The following TRHDE variants were observed in gnomAD, a reference collection of about 807,000 sequenced individuals.
TRHDE encodes the protein thyrotropin-releasing hormone-degrading ectoenzyme.
A neutral mutation model predicts 125.7 loss-of-function variants in TRHDE; 72 were observed. The ratio of observed to expected loss-of-function variants is 0.57; its 90% CI spans 0.47 to 0.70. The LOEUF (loss-of-function observed/expected upper bound fraction) is 0.70. Among genes scored for constraint, TRHDE ranks in the 30% least tolerant of loss-of-function variants. The pLI is 0.00. For missense variants in TRHDE, 1,110 were observed against 1,327.1 expected (o/e 0.84, Z 2.54); for synonymous variants, 509 against 509.1 (o/e 1.00, Z 0.00).
At chr12:72,165,500 G>A (rs527291828) in intron 2 of TRHDE, among the ~76,000 whole-genome samples, 1 of 152,150 alleles carries the variant, frequency 6.6e-6, no homozygotes, top group South Asian at 2.1e-4. Context: ...AGTGAGAAAT[G>A]CAGTTTTAGC....
chr12:72,541,430 G>A (rs1243090215), intron 6 of TRHDE, among the ~76,000 whole-genome samples: 1 of 151,368 alleles, frequency 6.6e-6, no homozygotes, highest in Non-Finnish European at 1.5e-5. Context: ...TATAATAATG[G>A]TTCTCAAGAT....
At chr12:72,319,097 T>G (rs959840123) in intron 2 of TRHDE, among the ~76,000 whole-genome samples, 1 of 152,138 alleles carries the variant, frequency 6.6e-6, no homozygotes, top group Non-Finnish European at 1.5e-5. Flanking sequence ...CAGTAAATAC[T>G]GAGAATACAG....
At chr12:72,453,360 C>A (rs948779689) in intron 3 of TRHDE, among the ~76,000 whole-genome samples, 3 of 152,080 alleles carry the variant, frequency 2.0e-5, no homozygotes, top group South Asian at 2.1e-4. Context: ...GGGTATCTGG[C>A]AAAATAAATT....
intron 3 of TRHDE, among the ~76,000 whole-genome samples, chr12:72,392,137 C>G (rs1303428321): frequency 6.6e-6 from 1 of 152,180 alleles, no homozygotes; most frequent in Admixed American, 6.5e-5. Flanking sequence ...GCACCCTGAT[C>G]TCACACTTTT....
intron 2 of TRHDE, among the ~76,000 whole-genome samples, chr12:72,322,916 A>G (rs1869164787): frequency 6.6e-6 from 1 of 152,118 alleles, no homozygotes; most frequent in African/African-American, 2.4e-5. Flanking sequence ...CTCTTGTCCT[A>G]GCTTTGTTAC....
intron 2 of TRHDE, among the ~76,000 whole-genome samples, chr12:72,138,861 G>A (rs1480029122): frequency 1.3e-5 from 2 of 152,184 alleles, no homozygotes; most frequent in East Asian, 1.9e-4. Flanking sequence ...CAATGGTCCC[G>A]AAACAGAGGG....
chr12:72,471,584 C>T (rs1474154108), intron 4 of TRHDE, among the ~76,000 whole-genome samples: 1 of 152,224 alleles, frequency 6.6e-6, no homozygotes, highest in African/African-American at 2.4e-5. Flanking sequence ...TTTCCGTTGT[C>T]ATTAACCAAT....
At chr12:72,550,257 C>A (rs1263418700) in intron 7 of TRHDE, among the ~76,000 whole-genome samples, 1 of 151,716 alleles carries the variant, frequency 6.6e-6, no homozygotes, top group Non-Finnish European at 1.5e-5. Context: ...ATTACAGATG[C>A]CAATCTGTAA....
At chr12:72,137,962 T>G (rs2139312290) in intron 2 of TRHDE, among the ~76,000 whole-genome samples, 1 of 152,354 alleles carries the variant, frequency 6.6e-6, no homozygotes, top group Non-Finnish European at 1.5e-5. Flanking sequence ...ATGGCAGTAC[T>G]TCTGAACCTT....
At chr12:72,394,020 C>A (rs977798473) in intron 3 of TRHDE, among the ~76,000 whole-genome samples, 6 of 152,112 alleles carry the variant, frequency 3.9e-5, no homozygotes, top group African/African-American at 1.4e-4. Flanking sequence ...CTCATACAAA[C>A]ATAGGTATAT....
At chr12:72,491,621 A>T (rs1445273567) in intron 5 of TRHDE, among the ~76,000 whole-genome samples, 1 of 151,936 alleles carries the variant, frequency 6.6e-6, no homozygotes, top group Non-Finnish European at 1.5e-5. Context: ...TAGTCATGGA[A>T]CAGACCCACA....
chr12:72,652,612 C>T (rs897765815), intron 16 of TRHDE, 123 bp downstream of exon 16: 2 of 620,500 alleles, frequency 3.2e-6, no homozygotes, highest in African/African-American at 1.9e-5. Flanking sequence ...TCTTCCTAAA[C>T]ATGAGGAAAA....
intron 2 of TRHDE, among the ~76,000 whole-genome samples, chr12:72,306,133 G>A (rs775128316): frequency 2.0e-5 from 3 of 151,996 alleles, no homozygotes; most frequent in Non-Finnish European, 4.4e-5. Flanking sequence ...TCGAAACTCA[G>A]TTTTCTTCTA....
chr12:72,200,706 T>C (rs1313014647), intron 2 of TRHDE, among the ~76,000 whole-genome samples: 1 of 152,180 alleles, frequency 6.6e-6, no homozygotes, highest in Non-Finnish European at 1.5e-5. Context: ...GAGGCAGTCT[T>C]GCAAATTTGC....
intron 3 of TRHDE, among the ~76,000 whole-genome samples, chr12:72,462,205 A>G (rs1418369026): frequency 6.6e-6 from 1 of 152,184 alleles, no homozygotes; most frequent in African/African-American, 2.4e-5. Context: ...TGAAGGTGAA[A>G]TTCAAAGAGT....
intron 2 of TRHDE, among the ~76,000 whole-genome samples, chr12:72,169,882 G>A (rs963781337): frequency 2.0e-5 from 3 of 152,044 alleles, no homozygotes; most frequent in Non-Finnish European, 1.5e-5. Flanking sequence ...CATGATATTG[G>A]TGACTGATAA....
rs371517694 is a variant in TRHDE at position 72,462,748 on chromosome 12, A to T, written c.1316-7010A>T. Among the ~76,000 whole-genome samples, 12 of 152,242 alleles carry T rather than the reference A, an allele frequency of 7.9e-5. No individual in the cohort carries two copies. The East Asian group carries it at 1.7e-3, about 22-fold the overall frequency. On this transcript the variant is annotated intron_variant, in intron 3 of 18. Coordinates refer to ENST00000261180, the MANE Select transcript of TRHDE (RefSeq NM_013381.3). ...TCTGCCTCCAACTCTGTTATTCTTT[A>T]ACATACCATGTGTAATTTTCATGAT...
At chr12:72,447,879 C>G (rs1477490060) in intron 3 of TRHDE, among the ~76,000 whole-genome samples, 3 of 151,994 alleles carry the variant, frequency 2.0e-5, no homozygotes, top group Non-Finnish European at 4.4e-5. Flanking sequence ...AAGAGACTTT[C>G]TTGGCACATT....
rs759869616 is a variant in TRHDE at position 72,656,942 on chromosome 12, G to A, written c.3000G>A (p.Leu1000=). The A allele has an allele frequency of 6.2e-7, 1 of 1,609,288 alleles. No homozygotes were observed. The highest frequency in any genetic ancestry group is 1.3e-5 in the African/African-American group (1 of 74,708). Residue 1000 remains leucine (L), a synonymous_variant, in exon 18 of 19, where the codon TTG becomes TTA. Coordinates refer to ENST00000261180, the MANE Select transcript of TRHDE (RefSeq NM_013381.3). ...TTCTTTTGAGGTATGGAGAAGCATT[G>A]TTTATGAATTCCAAACTCATCAGTG... ...KILNTRYGEA[L]FMNSKLISGV... is the part of the protein sequence containing the mutation.
Sources: allele counts gnomAD v4.1 joint callset (sites outside exome capture counted in the v4.1 genomes callset), GRCh38; gene constraint gnomAD v4.1.1; transcripts MANE v1.5; gene names NCBI Gene and HGNC (gene_info 2026-07-23, HGNC 2026-07-21).